The following PTPRD variants were observed in gnomAD, a reference collection of about 807,000 sequenced individuals.
PTPRD encodes the protein protein tyrosine phosphatase receptor type D.
A neutral mutation model predicts 214.5 loss-of-function variants in PTPRD; 34 were observed. The ratio of observed to expected loss-of-function variants is 0.16; its 90% confidence interval spans 0.12 to 0.21. The LOEUF (loss-of-function observed/expected upper bound fraction) is 0.21. Among genes scored for constraint, PTPRD ranks in the 10% least tolerant of loss-of-function variants. The probability of loss-of-function intolerance (pLI) is 1.00; values close to 1 mark genes in which losing one functional copy is unlikely to be tolerated. For synonymous variants in PTPRD, 1,128 were observed against 845.7 expected (o/e 1.33, Z -5.79); for missense variants, 2,545 against 2,398.7 (o/e 1.06, Z -1.27).
At position 10,239,488 on chromosome 9, in the gene PTPRD, G is replaced by C. The variant is rs150653070; in HGVS notation, c.-545+101475C>G. Among the ~76,000 whole-genome samples, 353 of 152,020 alleles carry C rather than the reference G, an allele frequency of 2.3e-3. 1 individual carries two copies. Among genetic ancestry groups the C allele is most frequent in the African/African-American group, 8.3e-3 (345 of 41,526 alleles). ...CCTTTATTTCTGCTTTTCATTTTAA[G>C]TGGGGGATTTGTACTAATAGGGTTG... On this transcript the variant is annotated intron_variant, in intron 3 of 45. Coordinates refer to ENST00000381196, the MANE Select transcript of PTPRD (RefSeq NM_002839.4).
rs137952834 is a variant in PTPRD at position 8,837,191 on chromosome 9, T to G, written c.-103-103245A>C. The stretch of plus-strand genomic sequence containing the variant: ...CACCATGACCAGCTAATTTTTGTAT[T>G]TTCAGTAGAGACAGAGTTTCATTAT... On this transcript the variant is annotated intron_variant, in intron 11 of 45. Transcript: ENST00000381196. Among the ~76,000 whole-genome samples the G allele has an allele frequency of 8.9e-3, 1,348 of 151,994 alleles. 23 individuals are homozygous for G. The highest frequency in any genetic ancestry group is 0.031 in the African/African-American group (1,279 of 41,452).
At chr9:10,402,819 A>G (rs2098292605) in intron 2 of PTPRD, among the ~76,000 whole-genome samples, 1 of 151,662 alleles carries the variant, frequency 6.6e-6, no homozygotes, top group South Asian at 2.1e-4. Context: ...AAAAATACCA[A>G]GGCCTCTCTT....
intron 12 of PTPRD, among the ~76,000 whole-genome samples, chr9:8,661,125 G>T (rs548173416): frequency 3.1e-4 from 47 of 152,058 alleles, no homozygotes; most frequent in African/African-American, 9.7e-4. Flanking sequence ...TAAATACCCT[G>T]CTCTTTTTCA....
chr9:8,948,539 A>ATT (rs750882608), intron 11 of PTPRD, among the ~76,000 whole-genome samples: 607 of 39,238 alleles, frequency 0.015, 74 homozygotes, highest in Non-Finnish European at 0.027. Context: ...ATTTATATAT[A>ATT]TATTTATATA....
intron 8 of PTPRD, among the ~76,000 whole-genome samples, chr9:9,485,937 A>C (rs1307771148): frequency 6.6e-6 from 1 of 151,774 alleles, no homozygotes; most frequent in Non-Finnish European, 1.5e-5. Context: ...TGGATCATGA[A>C]GTCAGGAGTT....
intron 7 of PTPRD, among the ~76,000 whole-genome samples, chr9:9,603,155 A>C (rs571911032): frequency 6.6e-6 from 1 of 152,290 alleles, no homozygotes; most frequent in Non-Finnish European, 1.5e-5. Flanking sequence ...GATAAATTGC[A>C]TAGATAGGGT....
chr9:10,092,427 G>C (rs1483988523), intron 3 of PTPRD, among the ~76,000 whole-genome samples: 2 of 151,202 alleles, frequency 1.3e-5, no homozygotes, highest in Non-Finnish European at 3.0e-5. Flanking sequence ...TCACTGATGT[G>C]ATATTTCTGC....
In PTPRD at chr9:8,956,592, T is replaced by C. The variant is rs1169768375; in HGVS notation, c.-104+62105A>G. 1.3e-4 allele frequency among the ~76,000 whole-genome samples: 19 copies of C among 151,836 alleles called. No individual in the cohort carries two copies. The Admixed American group carries it at 1.3e-3, about 10-fold the overall frequency. The stretch of plus-strand genomic sequence containing the variant: ...TTGAAAAACAACAGCACACTGCTTG[T>C]GCTGGATTGTATTTTTAAAAGTCAG... On this transcript the variant is annotated intron_variant, in intron 11 of 45. Transcript: ENST00000381196.
intron 14 of PTPRD, among the ~76,000 whole-genome samples, chr9:8,575,443 T>C (rs994279930): frequency 3.3e-5 from 5 of 152,094 alleles, no homozygotes; most frequent in African/African-American, 1.2e-4. Flanking sequence ...TACTAATTCA[T>C]ATGTGCTGGT....
At chr9:9,776,933 G>C (rs1193302488) in intron 5 of PTPRD, among the ~76,000 whole-genome samples, 1 of 151,872 alleles carries the variant, frequency 6.6e-6, no homozygotes, top group East Asian at 1.9e-4. Context: ...CTGTCCTCTG[G>C]GTTGAAAGGC....
chr9:9,943,042 A>C (rs1363139260), intron 4 of PTPRD, among the ~76,000 whole-genome samples: 2 of 152,124 alleles, frequency 1.3e-5, no homozygotes, highest in Non-Finnish European at 2.9e-5. Flanking sequence ...GCAAAAGCTG[A>C]TAGTGGATAT....
chr9:10,336,551 T>C (rs1255265377), intron 3 of PTPRD, among the ~76,000 whole-genome samples: 1 of 151,548 alleles, frequency 6.6e-6, no homozygotes, highest in Non-Finnish European at 1.5e-5. Flanking sequence ...ATAATACCAA[T>C]AGATCCAGAA....
chr9:10,557,776 T>G (rs1431037551), intron 2 of PTPRD, among the ~76,000 whole-genome samples: 1 of 152,194 alleles, frequency 6.6e-6, no homozygotes, highest in Non-Finnish European at 1.5e-5. Context: ...AAGGAGGTCA[T>G]TTCCAAAGAG....
intron 8 of PTPRD, among the ~76,000 whole-genome samples, chr9:9,401,695 T>C (rs2070608009): frequency 6.6e-6 from 1 of 151,952 alleles, no homozygotes; most frequent in Non-Finnish European, 1.5e-5. Flanking sequence ...TCTTGAATTG[T>C]AGTGCCCATA....
intron 9 of PTPRD, among the ~76,000 whole-genome samples, chr9:9,237,909 C>T (rs924216745): frequency 3.1e-4 from 47 of 152,128 alleles, no homozygotes; most frequent in African/African-American, 9.7e-4. Flanking sequence ...AAATTAGCTC[C>T]TCTAAGAACT....
intron 37 of PTPRD, among the ~76,000 whole-genome samples, chr9:8,380,093 G>A (rs1407640839): frequency 6.6e-6 from 1 of 151,998 alleles, no homozygotes; most frequent in Non-Finnish European, 1.5e-5. Flanking sequence ...TGTGTGTGGG[G>A]GGTTGTTGTT....
At chr9:8,399,127 A>G (rs1278847273) in intron 36 of PTPRD, among the ~76,000 whole-genome samples, 1 of 140,172 alleles carries the variant, frequency 7.1e-6, no homozygotes, top group East Asian at 2.0e-4. Flanking sequence ...TGAAGAAGCT[A>G]ATCATCTCAT....
chr9:9,623,124 C>G (rs2095304703), intron 7 of PTPRD, among the ~76,000 whole-genome samples: 1 of 152,142 alleles, frequency 6.6e-6, no homozygotes, highest in Non-Finnish European at 1.5e-5. Flanking sequence ...TATATGTTGC[C>G]TTTCACAATT....
At chr9:8,575,409 T>G (rs990347596) in intron 14 of PTPRD, among the ~76,000 whole-genome samples, 3 of 152,140 alleles carry the variant, frequency 2.0e-5, no homozygotes, top group African/African-American at 7.2e-5. Flanking sequence ...ATGCATTAAA[T>G]AGCCCTGTAC....
Sources: gnomAD v4.1 joint callset for allele counts (sites outside exome capture counted in the v4.1 genomes callset) on GRCh38, gnomAD v4.1.1 for gene constraint, MANE v1.5 for transcripts, NCBI Gene and HGNC (gene_info 2026-07-23, HGNC 2026-07-21) for gene names.